Variants in PKHD1L1 observed in about 807,000 individuals in gnomAD.
The protein encoded by PKHD1L1 is PKHD1 like 1.
In PKHD1L1, 434 loss-of-function variants were observed where a neutral mutation model predicts 462.9. That is an observed-to-expected ratio of 0.94 (90% CI 0.87 to 1.02). The LOEUF is 1.02. Ranked by LOEUF, PKHD1L1 falls within the 50% of genes least tolerant of loss-of-function variation. The probability of loss-of-function intolerance (pLI) is 0.00; values close to 1 mark genes in which losing one functional copy is unlikely to be tolerated. For synonymous variants in PKHD1L1, 1,781 were observed against 1,750.0 expected (o/e 1.02, Z -0.44); for missense variants, 5,202 against 5,096.1 (o/e 1.02, Z -0.63).
rs75008736 is a variant in PKHD1L1, at chr8:109,465,161, G to A, written c.8329G>A (p.Val2777Ile). The change falls in exon 49 of 78, where the codon GTC (valine) becomes ATC (isoleucine). Residue 2777 changes from valine (V) to isoleucine (I), a missense_variant. Transcript: ENST00000378402. ...GGGTTGGAGTGCAAAGTTTGTTGAC[G>A]TCCAGTATTCTCACACACCGAACAA... ...CGGWSAKFVD[V>I]QYSHTPNKAG... 1,606 of 1,613,668 alleles carry A rather than the reference G, an allele frequency of 1.0e-3. 15 individuals carry two copies. The African/African-American group carries it at 0.019, about 19-fold the overall frequency.
At position 109,373,010 on chromosome 8, in the gene PKHD1L1, CTGG is replaced by C. The variant is rs534921160; in HGVS notation, c.164-8359_164-8357del. 9.5e-3 allele frequency among the ~76,000 whole-genome samples: 1,450 copies of C among 152,292 alleles called. 20 individuals are homozygous for C. The highest frequency in any genetic ancestry group is 0.033 in the African/African-American group (1,368 of 41,540). On this transcript the variant is annotated intron_variant, in intron 2 of 77. Coordinates refer to ENST00000378402, the MANE Select transcript of PKHD1L1 (RefSeq NM_177531.6). ...GCCCAGCTTTGGTATCAGGATGATGCTGGCCTCATAAAATAAGTTAGGGATGAT... is the reference window on the plus strand; with the variant it reads ...GCCCAGCTTTGGTATCAGGATGATGCCCTCATAAAATAAGTTAGGGATGAT...
chr8:109,396,157 A>G lies in PKHD1L1; in HGVS notation c.922+20A>G. On this transcript the variant is annotated intron_variant, in intron 11 of 77. Transcript: ENST00000378402. ...TTGGAGGTATTTCTCATGGTTTTTG[A>G]TATATTACTTTATTACCACAAATTC... The G allele has an allele frequency of 6.5e-7, 1 of 1,541,306 alleles. No individual in the cohort carries two copies. Among genetic ancestry groups the G allele is most frequent in the Non-Finnish European group, 8.9e-7 (1 of 1,126,374 alleles).
chr8:109,461,810 G>C lies in PKHD1L1; in HGVS notation c.7285G>C (p.Gly2429Arg), dbSNP rs769707203. ...ATQTCLQGKF[G>R]EEIGSDQFGG... The stretch of plus-strand genomic sequence containing the variant: ...ACAGACCTGTCTCCAAGGAAAGTTT[G>C]GAGAAGAAATAGGAAGTGACCAATT... Residue 2429 changes from glycine to arginine, a missense_variant, in exon 48 of 78, where the codon GGA becomes CGA. Physicochemically the swap from Gly to Arg is moderately radical, Grantham distance 125. This residue lies in a region of PKHD1L1 where 4,497 missense variants were observed against 4,336.8 expected (regional missense o/e 1.04). Transcript: ENST00000378402. 3.7e-5 allele frequency: 60 copies of C among 1,609,270 alleles called. No homozygotes were observed. The highest frequency in any genetic ancestry group is 5.0e-5 in the Non-Finnish European group (59 of 1,177,772).
rs145237376 is a variant in PKHD1L1, at chr8:109,415,182, T to C, written c.2360+1637T>C. Among the ~76,000 whole-genome samples, 983 of 151,774 alleles carry C rather than the reference T, an allele frequency of 6.5e-3. 7 individuals carry two copies. The highest frequency in any genetic ancestry group is 0.051 in the Middle Eastern group (15 of 294). ...CACGCCCAGCTAATTTTTTTGTTTT[T>C]GTAGAGATTGGGTCTTGCCATGTTG... On this transcript the variant is annotated intron_variant, in intron 21 of 77. Coordinates refer to ENST00000378402, the MANE Select transcript of PKHD1L1 (RefSeq NM_177531.6).
In PKHD1L1 at chr8:109,456,269, T is replaced by C. The variant is rs754928656; in HGVS notation, c.6882T>C (p.Pro2294=). The part of the protein sequence containing the change: ...REGILDLHGV[P]VPVTWTRLAH... Reference sequence around the variant, plus strand: ...TGTGTATGTTGGTTCTAGGTGTGCCTGTTCCTGTGACCTGGACTCGCTTGG... The same window carrying C: ...TGTGTATGTTGGTTCTAGGTGTGCCCGTTCCTGTGACCTGGACTCGCTTGG... The change falls in exon 46 of 78, where the codon CCT becomes CCC. Residue 2294 remains proline, a synonymous_variant. Coordinates refer to ENST00000378402, the MANE Select transcript of PKHD1L1 (RefSeq NM_177531.6). The C allele has an allele frequency of 6.2e-7, 1 of 1,612,304 alleles. No homozygotes were observed.
intron 31 of PKHD1L1, 117 bp from the exon 32 acceptor site, chr8:109,438,780 T>C: frequency 1.1e-6 from 1 of 877,752 alleles, no homozygotes; most frequent in Non-Finnish European, 1.7e-6. Flanking sequence ...CTCAAAGTGT[T>C]AGGATTTCCT....
At chr8:109,506,147 C>T (rs765311220) in intron 68 of PKHD1L1, among the ~76,000 whole-genome samples, 2 of 152,140 alleles carry the variant, frequency 1.3e-5, no homozygotes, top group Admixed American at 6.6e-5. Context: ...ACCACGTTTT[C>T]AAATATGATT....
intron 77 of PKHD1L1, among the ~76,000 whole-genome samples, chr8:109,529,530 C>T (rs1004437680): frequency 6.6e-6 from 1 of 151,986 alleles, no homozygotes; most frequent in Admixed American, 6.6e-5. Flanking sequence ...AGTGCAAAAA[C>T]CTTTATAGAC....
chr8:109,438,157 C>A (rs1563541433), intron 30 of PKHD1L1, among the ~76,000 whole-genome samples, 167 bp from the exon 31 acceptor site: 1 of 152,094 alleles, frequency 6.6e-6, no homozygotes, highest in South Asian at 2.1e-4. Context: ...AAGCATGTAA[C>A]CTATATTTGA....
chr8:109,449,267 T>TA (rs978074417), intron 39 of PKHD1L1, 71 bp from the exon 40 acceptor site: 4 of 1,396,354 alleles, frequency 2.9e-6, no homozygotes, highest in African/African-American at 1.5e-5. Flanking sequence ...AAAATAAAGG[T>TA]AAAAAATATG....
chr8:109,373,591 A>G (rs1811636443), intron 2 of PKHD1L1, among the ~76,000 whole-genome samples: 1 of 151,890 alleles, frequency 6.6e-6, no homozygotes, highest in Middle Eastern at 3.2e-3. Context: ...TTTTAATTGT[A>G]ATGTTAGGGT....
chr8:109,433,124 C>A lies in PKHD1L1; in HGVS notation c.3248C>A (p.Thr1083Lys). 1 of 1,612,522 alleles carries A rather than the reference C, an allele frequency of 6.2e-7. No homozygotes were observed. Residue 1083 changes from threonine to lysine, a missense_variant, in exon 28 of 78, where the codon ACA (threonine) becomes AAA (lysine). By Grantham distance (78) the Thr-to-Lys change is moderately conservative. Around this residue, in one of 3 missense-constraint regions of PKHD1L1, gnomAD observed 4,497 missense variants for 4,336.8 expected, o/e 1.04. Coordinates refer to ENST00000378402, the MANE Select transcript of PKHD1L1 (RefSeq NM_177531.6). Reference sequence around the variant, plus strand: ...TTTTTAGGGTCCTATGAAGAAGGCACAATTCTAACCATAGTGGGTTCTGGA... The same window carrying A: ...TTTTTAGGGTCCTATGAAGAAGGCAAAATTCTAACCATAGTGGGTTCTGGA... ...SPSQGSYEEGTILTIVGSGFS... is the reference protein window; with the variant it reads ...SPSQGSYEEGKILTIVGSGFS...
At chr8:109,430,228 GA>G (rs536019657) in intron 27 of PKHD1L1, among the ~76,000 whole-genome samples, 191 bp downstream of exon 27, 6 of 150,534 alleles carry the variant, frequency 4.0e-5, no homozygotes, top group South Asian at 2.1e-4. Flanking sequence ...ATTTATTTTT[GA>G]AAAAAAAATA....
At position 109,508,238 on chromosome 8, in the gene PKHD1L1, G is replaced by A. The variant is rs1036185631; in HGVS notation, c.11369G>A (p.Gly3790Asp). ...TRRLSPVAIM[G>D]NGYVDLINGP... is the part of the protein sequence containing the mutation. ...AGACTTTCCCCAGTGGCTATAATGG[G>A]CAACGGTTATGTTGATCTTATTAAT... The change falls in exon 70 of 78, where the codon GGC becomes GAC. Residue 3790 changes from glycine (G) to aspartate (D), a missense_variant. Physicochemically the swap from Gly to Asp is moderately conservative, Grantham distance 94. Around this residue, in one of 3 missense-constraint regions of PKHD1L1, gnomAD observed 698 missense variants for 736.3 expected, o/e 0.95. Transcript: ENST00000378402. The A allele has an allele frequency of 1.9e-6, 3 of 1,610,802 alleles. No individual in the cohort carries two copies. The highest frequency in any genetic ancestry group is 3.4e-5 in the Admixed American group (2 of 59,378).
chr8:109,404,156 A>G (rs551241128), intron 14 of PKHD1L1, among the ~76,000 whole-genome samples: 1 of 152,322 alleles, frequency 6.6e-6, no homozygotes, highest in East Asian at 1.9e-4. Flanking sequence ...CTCAGATATA[A>G]AATATATGCT....
chr8:109,428,781 T>A (rs184277283), intron 25 of PKHD1L1, among the ~76,000 whole-genome samples: 4 of 152,272 alleles, frequency 2.6e-5, no homozygotes, highest in Non-Finnish European at 5.9e-5. Context: ...CCTGAATACA[T>A]CAGAAGGTTG....
intron 21 of PKHD1L1, among the ~76,000 whole-genome samples, chr8:109,414,918 C>T (rs899299334): frequency 6.6e-6 from 1 of 151,484 alleles, no homozygotes; most frequent in African/African-American, 2.4e-5. Context: ...AGCTGCTGCT[C>T]AAATCTGCAA....
In PKHD1L1 at chr8:109,425,155, A is replaced by G. The variant is rs4735133; in HGVS notation, c.2768A>G (p.His923Arg). The part of the protein sequence containing the change: ...GNNWPGESKI[H>R]IQRIQAASPP... ...AATTGGCCAGGCGAGTCAAAAATTCATATTCAAAGAATTCAAGCTGCATCT... is the reference window on the plus strand; with the variant it reads ...AATTGGCCAGGCGAGTCAAAAATTCGTATTCAAAGAATTCAAGCTGCATCT... The change falls in exon 24 of 78, where the codon CAT becomes CGT. Residue 923 changes from histidine to arginine, a missense_variant. Transcript: ENST00000378402. 901,079 of 1,606,976 alleles carry G rather than the reference A, an allele frequency of 0.56. 256,328 individuals carry two copies. The highest frequency in any genetic ancestry group is 0.74 in the African/African-American group (54,835 of 74,592).
Position 109,451,114 on chromosome 8 carries a change from G to C in PKHD1L1, c.6315G>C (p.Gly2105=), listed in dbSNP as rs200439607. 6.2e-7 allele frequency: 1 copy of C among 1,612,304 alleles called. No individual in the cohort carries two copies. The highest frequency in any genetic ancestry group is 1.1e-5 in the South Asian group (1 of 90,878). ...AVSPKRGSTA[G]GTRLTVVGSG... ...CTCCTAAGAGAGGCAGTACAGCAGG[G>C]GGCACCAGACTGACAGTCGTGGGAT... The change falls in exon 41 of 78, where the codon GGG becomes GGC. Residue 2105 remains glycine, a synonymous_variant. Coordinates refer to ENST00000378402, the MANE Select transcript of PKHD1L1 (RefSeq NM_177531.6).
Sources: gnomAD v4.1 joint callset for allele counts (sites outside exome capture counted in the v4.1 genomes callset) on GRCh38, gnomAD v4.1.1 for gene constraint, gnomAD v4.1.1 regional missense constraint, MANE v1.5 for transcripts, NCBI Gene and HGNC (gene_info 2026-07-23, HGNC 2026-07-21) for gene names.